The following TRAK1 variants were observed in gnomAD, a reference collection of about 807,000 sequenced individuals.
The protein encoded by TRAK1 is trafficking kinesin protein 1, also known as trafficking kinesin-binding protein 1.
A neutral mutation model predicts 92.1 loss-of-function variants in TRAK1; 33 were observed. That is an observed-to-expected ratio of 0.36 (90% CI 0.27 to 0.48). The LOEUF (loss-of-function observed/expected upper bound fraction) is 0.48, where lower values mean the gene tolerates loss of function less well. Among genes scored for constraint, TRAK1 ranks in the 20% least tolerant of loss-of-function variants. The probability of loss-of-function intolerance (pLI) is 0.99; values close to 1 mark genes in which losing one functional copy is unlikely to be tolerated. For missense variants in TRAK1, 1,123 were observed against 1,257.9 expected, an observed-to-expected ratio of 0.89 and a Z score of 1.62; for synonymous variants, 521 against 517.3, an observed-to-expected ratio of 1.01 and a Z score of -0.10.
At chr3:42,016,484 C>T (rs115801480) in intron 1 of TRAK1, among the ~76,000 whole-genome samples, 113 of 152,334 alleles carry the variant, frequency 7.4e-4, no homozygotes, top group African/African-American at 2.5e-3. Context: ...GGATTATAGG[C>T]GCAAGCCACC....
chr3:42,171,567 G>A (rs548882035), intron 2 of TRAK1, among the ~76,000 whole-genome samples: 2 of 152,154 alleles, frequency 1.3e-5, no homozygotes, highest in African/African-American at 4.8e-5. Flanking sequence ...CTTCTGCCTG[G>A]GTCTTAGATC....
At position 42,201,068 on chromosome 3, in the gene TRAK1, G is replaced by A; in HGVS notation, c.1427+14G>A. 6.2e-7 allele frequency: 1 copy of A among 1,613,184 alleles called. No individual in the cohort carries two copies. Among genetic ancestry groups the A allele is most frequent in the Non-Finnish European group, 8.5e-7 (1 of 1,179,124 alleles). The stretch of plus-strand genomic sequence containing the variant: ...AGCCGACCTGGGGTGAGCAAGCTGG[G>A]AGTTTTCACTTCTCTGTTTTGGGGT... On this transcript the variant is annotated intron_variant, in intron 12 of 15. Coordinates refer to ENST00000327628, the MANE Select transcript of TRAK1 (RefSeq NM_001042646.3).
chr3:42,124,688 C>T (rs186037741), intron 1 of TRAK1, among the ~76,000 whole-genome samples: 2 of 152,214 alleles, frequency 1.3e-5, no homozygotes, highest in South Asian at 2.1e-4. Context: ...ACTGAAATAC[C>T]CACAAGACAC....
chr3:42,083,814 G>A (rs1704541384), upstream of TRAK1, among the ~76,000 whole-genome samples: 1 of 152,050 alleles, frequency 6.6e-6, no homozygotes, highest in African/African-American at 2.4e-5. Flanking sequence ...AGGCTGCGGT[G>A]AGCTGTGATT....
chr3:42,173,790 C>T (rs991941816), intron 2 of TRAK1, among the ~76,000 whole-genome samples: 2 of 152,070 alleles, frequency 1.3e-5, no homozygotes, highest in African/African-American at 4.8e-5. Flanking sequence ...GTAGTCATCG[C>T]GACTACCCTG....
rs563209179 is a variant in TRAK1, at chr3:42,072,672, G to A, written c.-518-14432G>A. 3.3e-5 allele frequency among the ~76,000 whole-genome samples: 5 copies of A among 152,120 alleles called. No individual in the cohort carries two copies. In the South Asian group the frequency reaches 6.2e-4, roughly 19 times the overall value. On this transcript the variant is annotated intron_variant, in intron 1 of 16. Transcript: ENST00000487159. Reference sequence around the variant, plus strand: ...TTGCAGCAGAATTATTTTTGGAAACGGGGATTTGGTCACATGACAGCAGTT... The same window carrying A: ...TTGCAGCAGAATTATTTTTGGAAACAGGGATTTGGTCACATGACAGCAGTT...
chr3:42,159,003 T>TAA (rs1700915092), intron 2 of TRAK1, among the ~76,000 whole-genome samples: 1 of 144,704 alleles, frequency 6.9e-6, no homozygotes, highest in African/African-American at 2.5e-5. Context: ...ATAATAATAA[T>TAA]TAGAGGATGC....
Position 42,210,176 on chromosome 3 carries a change from G to A in TRAK1, c.1963+191G>A, listed in dbSNP as rs747343738. Reference sequence around the variant, plus strand: ...ACTTGGCACCTTTCCCGGAGGCAGAGTTTTGGGCCATTCTCACCTCTGTTC... The same window carrying A: ...ACTTGGCACCTTTCCCGGAGGCAGAATTTTGGGCCATTCTCACCTCTGTTC... On this transcript the variant is annotated intron_variant, in intron 14 of 15. Transcript: ENST00000327628. The A allele has an allele frequency of 7.6e-6, 12 of 1,584,022 alleles. No individual in the cohort carries two copies. The highest frequency in any genetic ancestry group is 9.4e-6 in the Non-Finnish European group (11 of 1,165,962).
At chr3:42,186,901 T>C (rs979319914) in intron 4 of TRAK1, among the ~76,000 whole-genome samples, 1 of 152,232 alleles carries the variant, frequency 6.6e-6, no homozygotes, top group African/African-American at 2.4e-5. Flanking sequence ...CTCTGTTTTG[T>C]AGAAAAGTTG....
At chr3:42,046,425 G>A (rs2148908143) in intron 1 of TRAK1, among the ~76,000 whole-genome samples, 1 of 152,200 alleles carries the variant, frequency 6.6e-6, no homozygotes, top group East Asian at 1.9e-4. Context: ...GGGAAGGTTG[G>A]GAATAGGGGC....
exon 1 of TRAK1, chr3:42,014,115 C>G (rs1701416521): frequency 6.6e-6 from 1 of 152,218 alleles, no homozygotes; most frequent in African/African-American, 2.4e-5. Flanking sequence ...GCACCTCTTG[C>G]GGGTAAGCCA....
At chr3:42,160,383 G>T in intron 2 of TRAK1, 2 of 1,614,190 alleles carry the variant, frequency 1.2e-6, no homozygotes, top group Non-Finnish European at 8.5e-7. Flanking sequence ...AGACAAGGGC[G>T]GGGAAGAAGA....
At chr3:42,020,774 A>T (rs1486762878) in intron 1 of TRAK1, among the ~76,000 whole-genome samples, 1 of 152,244 alleles carries the variant, frequency 6.6e-6, no homozygotes, top group Non-Finnish European at 1.5e-5. Flanking sequence ...TCTGTAAAAG[A>T]GTATGCTACA....
At chr3:42,125,815 T>G (rs567299345) in intron 2 of TRAK1, among the ~76,000 whole-genome samples, 1 of 152,158 alleles carries the variant, frequency 6.6e-6, no homozygotes, top group South Asian at 2.1e-4. Context: ...TTTAGAGGAG[T>G]GAGGACCAAG....
chr3:42,174,722 A>G (rs113821620), intron 2 of TRAK1, among the ~76,000 whole-genome samples: 1 of 148,598 alleles, frequency 6.7e-6, no homozygotes. Flanking sequence ...ATAAAATTTT[A>G]TATATATACA....
At position 42,223,801 on chromosome 3, in the gene TRAK1, C is replaced by A. The variant is rs1288314388; in HGVS notation, c.*64C>A. On this transcript the variant is annotated 3_prime_UTR_variant, in exon 16 of 16. Transcript: ENST00000327628. This position sits in a 1 kb window ranked among gnomAD's most constrained non-coding sequence, Gnocchi z 6.1. The stretch of plus-strand genomic sequence containing the variant: ...GTTCTCCTCTCTTGCTCCCACCTCC[C>A]TCTCTTCCCCCCACAGTGCACTCCC... 7.9e-6 allele frequency: 12 copies of A among 1,527,206 alleles called. No homozygotes were observed. Among genetic ancestry groups the A allele is most frequent in the Non-Finnish European group, 9.8e-6 (11 of 1,124,122 alleles). The allele number at this position is 1,527,206 out of a possible 1,614,324, so 94.6% of individuals were successfully genotyped here.
At chr3:42,131,388 C>T (rs1697175306) in intron 2 of TRAK1, among the ~76,000 whole-genome samples, 2 of 152,142 alleles carry the variant, frequency 1.3e-5, no homozygotes, top group Non-Finnish European at 2.9e-5. Context: ...GCTTCCAAAT[C>T]AGTGGCTGTC....
At chr3:42,188,925 C>T in intron 5 of TRAK1, 91 bp from the exon 6 acceptor site, 1 of 902,588 alleles carries the variant, frequency 1.1e-6, no homozygotes, top group East Asian at 2.5e-5. Context: ...CATTGTCCTT[C>T]CTGCAAGCCC....
At chr3:42,031,778 G>A (rs1337897361) in intron 1 of TRAK1, among the ~76,000 whole-genome samples, 4 of 152,092 alleles carry the variant, frequency 2.6e-5, no homozygotes, top group African/African-American at 9.7e-5. Context: ...GAGTGGGGCT[G>A]TCTGAGGTGC....
Sources: allele counts gnomAD v4.1 joint callset (sites outside exome capture counted in the v4.1 genomes callset), GRCh38; gene constraint gnomAD v4.1.1; non-coding constraint Gnocchi (gnomAD v3.1); transcripts MANE v1.5; gene names NCBI Gene and HGNC (gene_info 2026-07-23, HGNC 2026-07-21).